WDFY3: variants seen among roughly 807,000 people sequenced by gnomAD.
The protein encoded by WDFY3 is WD repeat and FYVE domain-containing protein 3.
A neutral mutation model predicts 409.6 loss-of-function variants in WDFY3; 66 were observed. That is an observed-to-expected ratio of 0.16 (90% CI 0.13 to 0.20). The LOEUF (loss-of-function observed/expected upper bound fraction) is 0.20, where lower values mean the gene tolerates loss of function less well. Ranked by LOEUF, WDFY3 falls within the 10% of genes least tolerant of loss-of-function variation. The pLI is 1.00. For missense variants in WDFY3, 3,031 were observed against 4,298.1 expected (o/e 0.71, Z 8.24); for synonymous variants, 1,521 against 1,537.1 (o/e 0.99, Z 0.25).
chr4:84,888,305 C>G (rs1240276386), intron 3 of WDFY3, among the ~76,000 whole-genome samples: 1 of 151,950 alleles, frequency 6.6e-6, no homozygotes, highest in Admixed American at 6.6e-5. Context: ...TTTGGAAGGC[C>G]AAGGCGAGAG....
Position 84,672,962 on chromosome 4 carries a change from C to T in WDFY3, c.10487G>A (p.Arg3496His), listed in dbSNP as rs1725654335. The part of the protein sequence containing the change: ...KCSRFQSEIK[R>H]LKISSPVRVC... ...ACGCACCGGGGATGAGATTTTCAAG[C>T]GTTTGATTTCAGATTGAAAGCGACT... Residue 3496 changes from arginine (R) to histidine (H), a missense_variant, in exon 68 of 68, where the codon CGC becomes CAC. By Grantham distance (29) the Arg-to-His change is conservative. Coordinates refer to ENST00000295888, the MANE Select transcript of WDFY3 (RefSeq NM_014991.6). 1.2e-5 allele frequency: 20 copies of T among 1,612,496 alleles called. No homozygotes were observed. The highest frequency in any genetic ancestry group is 4.5e-5 in the East Asian group (2 of 44,776).
intron 5 of WDFY3, among the ~76,000 whole-genome samples, chr4:84,845,662 G>C (rs1023500618): frequency 6.6e-6 from 1 of 152,020 alleles, no homozygotes; most frequent in East Asian, 1.9e-4. Context: ...CTTAGGCCCT[G>C]AAAAATCTAG....
intron 30 of WDFY3, among the ~76,000 whole-genome samples, chr4:84,771,711 C>T (rs1744711089): frequency 6.6e-6 from 1 of 152,040 alleles, no homozygotes; most frequent in Non-Finnish European, 1.5e-5. Flanking sequence ...AATAATAGTA[C>T]CTATTTCATA....
intron 32 of WDFY3, among the ~76,000 whole-genome samples, chr4:84,762,343 C>G (rs1333509901): frequency 6.6e-6 from 1 of 151,626 alleles, no homozygotes; most frequent in African/African-American, 2.4e-5. Context: ...AATCATCATT[C>G]TCAGTAAACT....
In WDFY3 at chr4:84,764,545, A is replaced by G. The variant is rs564400039; in HGVS notation, c.5188+1265T>C. Among the ~76,000 whole-genome samples, 129 of 152,166 alleles carry G rather than the reference A, an allele frequency of 8.5e-4. 2 individuals are homozygous for G. Among genetic ancestry groups the G allele is most frequent in the Admixed American group, 2.4e-3 (37 of 15,260 alleles). On this transcript the variant is annotated intron_variant, in intron 32 of 67. Coordinates refer to ENST00000295888, the MANE Select transcript of WDFY3 (RefSeq NM_014991.6). ...CCTTCTTCACATCTGAAATAACAAT[A>G]CAATAGTACTATGTTGAAAGACCTG...
chr4:84,804,653 T>C (rs1323574282), intron 15 of WDFY3, among the ~76,000 whole-genome samples: 2 of 152,198 alleles, frequency 1.3e-5, no homozygotes, highest in Admixed American at 6.5e-5. Flanking sequence ...CCAACAGTTA[T>C]CCTCCTCCTA....
At chr4:84,750,441 T>A (rs1013542203) in intron 36 of WDFY3, among the ~76,000 whole-genome samples, 1 of 152,104 alleles carries the variant, frequency 6.6e-6, no homozygotes, top group African/African-American at 2.4e-5. Context: ...TATTTATAAG[T>A]TAACTGTACT....
At position 84,678,929 on chromosome 4, in the gene WDFY3, T is replaced by A. The variant is rs756487594; in HGVS notation, c.10137A>T (p.Arg3379Ser). The change falls in exon 65 of 68, where the codon AGA (arginine) becomes AGT (serine). Residue 3379 changes from arginine to serine, a missense_variant. Coordinates refer to ENST00000295888, the MANE Select transcript of WDFY3 (RefSeq NM_014991.6). ...PNPIEVRNYSRLKPGYRWERQ... is the reference protein window; with the variant it reads ...PNPIEVRNYSSLKPGYRWERQ... ...CAGACTTCAAGTTACCAGGTTTCAA[T>A]CTGCTGTAATTCCGCACCTCAATGG... 4.3e-6 allele frequency: 7 copies of A among 1,610,924 alleles called. No individual in the cohort carries two copies. Among genetic ancestry groups the A allele is most frequent in the Non-Finnish European group, 5.9e-6 (7 of 1,178,254 alleles).
chr4:84,671,328 T>C lies in WDFY3; in HGVS notation c.*1540A>G, dbSNP rs1195707806. 6.6e-6 allele frequency: 1 copy of C among 152,600 alleles called. No homozygotes were observed. The highest frequency in any genetic ancestry group is 1.9e-4 in the East Asian group (1 of 5,196). 9.5% of individuals were successfully genotyped at this position (152,600 alleles called of 1,614,324 possible). A position where few individuals can be genotyped will look rare whatever the true frequency, so the allele number is the denominator to read the frequency against. On this transcript the variant is annotated 3_prime_UTR_variant, in exon 68 of 68. Coordinates refer to ENST00000295888, the MANE Select transcript of WDFY3 (RefSeq NM_014991.6). Reference sequence around the variant, plus strand: ...TTTGCATGATGCCTCTGTGAGGGTGTGAAGGCCTTTCCTTTCGCACCTGTG... The same window carrying C: ...TTTGCATGATGCCTCTGTGAGGGTGCGAAGGCCTTTCCTTTCGCACCTGTG...
chr4:84,932,618 A>G (rs1770901885), intron 1 of WDFY3, among the ~76,000 whole-genome samples: 2 of 152,186 alleles, frequency 1.3e-5, no homozygotes, highest in Admixed American at 1.3e-4. Context: ...TTTGACCTGG[A>G]GAAATTATGC....
chr4:84,834,417 C>G (rs1031541802), intron 7 of WDFY3, among the ~76,000 whole-genome samples: 1 of 151,748 alleles, frequency 6.6e-6, no homozygotes, highest in East Asian at 1.9e-4. Context: ...GAGGCTGAGG[C>G]GGGAGGATCA....
chr4:84,686,166 C>T (rs1441538337), intron 62 of WDFY3, among the ~76,000 whole-genome samples: 3 of 152,042 alleles, frequency 2.0e-5, no homozygotes, highest in African/African-American at 4.8e-5. Context: ...ATCAGCTGGG[C>T]GCGGTGGTGG....
At chr4:84,787,761 A>C (rs766659116) in intron 22 of WDFY3, 48 bp from the exon 23 acceptor site, 3 of 1,486,488 alleles carry the variant, frequency 2.0e-6, no homozygotes, top group Non-Finnish European at 2.8e-6. Flanking sequence ...CACTTTCCCC[A>C]GGAAAATAAC....
At chr4:84,710,535 A>G (rs897368582) in intron 51 of WDFY3, among the ~76,000 whole-genome samples, 1 of 152,238 alleles carries the variant, frequency 6.6e-6, no homozygotes, top group Non-Finnish European at 1.5e-5. Context: ...CTTAGATCCT[A>G]AACACATCCA....
At chr4:84,691,559 C>G in intron 60 of WDFY3, 72 bp downstream of exon 60, 2 of 1,520,034 alleles carry the variant, frequency 1.3e-6, no homozygotes, top group Non-Finnish European at 8.9e-7. Context: ...TCTCCCCAAC[C>G]CTATTAGTCA....
chr4:84,925,760 T>A (rs1006430408), intron 2 of WDFY3, among the ~76,000 whole-genome samples: 1 of 152,030 alleles, frequency 6.6e-6, no homozygotes, highest in Non-Finnish European at 1.5e-5. Context: ...TATTAAAGTA[T>A]GAAGTTTTTA....
intron 11 of WDFY3, 121 bp from the exon 12 acceptor site, chr4:84,820,307 T>C (rs1226127418): frequency 4.3e-6 from 3 of 690,486 alleles, no homozygotes; most frequent in Non-Finnish European, 4.5e-6. Context: ...ATAGGACAGA[T>C]ATAATATAAT....
intron 7 of WDFY3, among the ~76,000 whole-genome samples, chr4:84,836,490 G>C (rs1389006967): frequency 1.3e-5 from 2 of 152,144 alleles, no homozygotes; most frequent in African/African-American, 4.8e-5. Flanking sequence ...AGGCAGGGCA[G>C]AGGAGGAGGC....
intron 58 of WDFY3, 94 bp from the exon 59 acceptor site, chr4:84,693,126 T>C (rs1729525839): frequency 7.6e-7 from 1 of 1,320,584 alleles, no homozygotes; most frequent in East Asian, 2.4e-5. Flanking sequence ...TCAATTAAGG[T>C]TCACAAGAAC....
Sources: gnomAD v4.1 joint callset for allele counts (sites outside exome capture counted in the v4.1 genomes callset) on GRCh38, gnomAD v4.1.1 for gene constraint, MANE v1.5 for transcripts, NCBI Gene and HGNC (gene_info 2026-07-23, HGNC 2026-07-21) for gene names.